The following AVEN variants were observed in gnomAD, a reference collection of about 807,000 sequenced individuals.
The protein encoded by AVEN is apoptosis and caspase activation inhibitor, also known as cell death regulator Aven.
A neutral mutation model predicts 38.1 loss-of-function variants in AVEN; 41 were observed. That is an observed-to-expected ratio of 1.08 (90% CI 0.84 to 1.40). AVEN has a LOEUF of 1.40. AVEN is among the 40% of genes most tolerant of loss of function. The probability of loss-of-function intolerance (pLI) is 0.00; values close to 1 mark genes in which losing one functional copy is unlikely to be tolerated. For synonymous variants in AVEN, 206 were observed against 171.8 expected (o/e 1.20, Z -1.56); for missense variants, 605 against 438.8 (o/e 1.38, Z -3.38).
At chr15:33,885,858 A>G (rs1025325183) in intron 2 of AVEN, 2 of 152,228 alleles carry the variant, frequency 1.3e-5, no homozygotes, top group Admixed American at 6.5e-5. Flanking sequence ...GTTGGTGACT[A>G]TTCTGTTAAC....
At chr15:34,052,434 C>G (rs1899957654) in intron 5 of AVEN, among the ~76,000 whole-genome samples, 1 of 152,178 alleles carries the variant, frequency 6.6e-6, no homozygotes, top group African/African-American at 2.4e-5. Context: ...TGAAAACCAG[C>G]ACAAGACAAG....
At chr15:33,954,233 A>C (rs1225431472) in intron 2 of AVEN, among the ~76,000 whole-genome samples, 1 of 152,256 alleles carries the variant, frequency 6.6e-6, no homozygotes, top group Non-Finnish European at 1.5e-5. Flanking sequence ...CCATTGCGGA[A>C]GACAGTGTGG....
chr15:33,873,094 CTTTTTTTTTT>C (rs34223352), intron 3 of AVEN, among the ~76,000 whole-genome samples: 11 of 85,106 alleles, frequency 1.3e-4, no homozygotes, highest in Non-Finnish European at 1.9e-4. Context: ...TTTTCCTTTT[CTTTTTTTTTT>C]TTTTTTTTTT....
At chr15:34,044,174 T>C (rs1007292164), upstream of AVEN, among the ~76,000 whole-genome samples, 3 of 152,284 alleles carry the variant, frequency 2.0e-5, no homozygotes, top group South Asian at 4.1e-4. Flanking sequence ...TATAGCAAAG[T>C]TCCTCAGAAG....
intron 5 of AVEN, chr15:34,062,510 G>A (rs1032073231): frequency 2.4e-5 from 12 of 494,222 alleles, no homozygotes; most frequent in Middle Eastern, 5.6e-4. Flanking sequence ...AGCTGAGATC[G>A]CACCACTGCA....
chr15:33,994,762 T>C (rs1264055853), intron 2 of AVEN, among the ~76,000 whole-genome samples: 1 of 152,202 alleles, frequency 6.6e-6, no homozygotes, highest in Non-Finnish European at 1.5e-5. Flanking sequence ...GAATATATGT[T>C]AAGCTATATT....
Position 33,898,509 on chromosome 15 carries a change from G to T in AVEN, c.446-22514C>A, listed in dbSNP as rs116753661. Among the ~76,000 whole-genome samples the T allele has an allele frequency of 7.1e-3, 1,075 of 152,242 alleles. 14 individuals carry two copies. The highest frequency in any genetic ancestry group is 0.025 in the African/African-American group (1,023 of 41,546). On this transcript the variant is annotated intron_variant, in intron 2 of 5. Transcript: ENST00000306730. ...GCATCTAGCCTTGCTAGCAACCCCT[G>T]ACATTCCAGTTTGTAGTTGCATCAC... is the stretch of plus-strand genomic sequence containing the variant.
In AVEN at chr15:33,899,460, CTTTTTTTTTTTTTTT is replaced by C. The variant is rs533788693; in HGVS notation, c.446-23480_446-23466del. On this transcript the variant is annotated intron_variant, in intron 2 of 5. Coordinates refer to ENST00000306730, the MANE Select transcript of AVEN (RefSeq NM_020371.3). ...TACATTTATTTGCTTCAGGGAAAAC[CTTTTTTTTTTTTTTT>C]TTTTTTTTTTTTGAGACGGAGTGTT... Among the ~76,000 whole-genome samples the C allele has an allele frequency of 1.7e-3, 108 of 65,436 alleles. 4 individuals are homozygous for C. Among genetic ancestry groups the C allele is most frequent in the Middle Eastern group, 0.017 (2 of 120 alleles). 42.9% of individuals were successfully genotyped at this position (65,436 alleles called of 152,430 possible). A position where few individuals can be genotyped will look rare whatever the true frequency, so the allele number is the denominator to read the frequency against.
intron 2 of AVEN, among the ~76,000 whole-genome samples, chr15:33,952,952 C>T (rs2140453796): frequency 6.6e-6 from 1 of 151,732 alleles, no homozygotes; most frequent in Admixed American, 6.6e-5. Flanking sequence ...TCTCAGGATA[C>T]AAAATCAGTG....
chr15:34,048,321 G>A (rs1184529731), intron 5 of AVEN, among the ~76,000 whole-genome samples: 5 of 152,004 alleles, frequency 3.3e-5, no homozygotes, highest in South Asian at 4.1e-4. Flanking sequence ...AGGGGCAGCC[G>A]CCATCTGTGT....
chr15:34,063,644 A>G lies in AVEN; in HGVS notation n.1127-212T>C, dbSNP rs369828092. On this transcript the variant is annotated intron_variant and non_coding_transcript_variant, in intron 4 of 11. Coordinates refer to the AVEN transcript ENST00000675287. The surrounding 1 kb of genome is among the most constrained non-coding windows in gnomAD (Gnocchi z 4.1). The stretch of plus-strand genomic sequence containing the variant: ...CCACCTGTAGCAGCTACCCTTCCTC[A>G]GAGGATGAGGACAAGCCCGCCACTG... The G allele has an allele frequency of 1.2e-6, 2 of 1,613,988 alleles. No individual in the cohort carries two copies. The highest frequency in any genetic ancestry group is 2.7e-5 in the African/African-American group (2 of 74,914).
intron 1 of AVEN, among the ~76,000 whole-genome samples, chr15:34,011,186 T>C (rs1597347153): frequency 6.6e-6 from 1 of 151,976 alleles, no homozygotes; most frequent in Middle Eastern, 3.4e-3. Flanking sequence ...AGCAAGACTC[T>C]GTCTCAAAAA....
chr15:33,911,062 T>C (rs111636959), intron 2 of AVEN, among the ~76,000 whole-genome samples: 34 of 152,332 alleles, frequency 2.2e-4, no homozygotes, highest in East Asian at 1.9e-4. Flanking sequence ...CTAAACTGCA[T>C]AGAAGCCAAC....
intron 1 of AVEN, chr15:34,018,169 G>T (rs1244890492): frequency 6.6e-6 from 1 of 152,214 alleles, no homozygotes; most frequent in African/African-American, 2.4e-5. Context: ...TCCAAAAGAA[G>T]GCATTGTTAC....
chr15:33,862,207 T>C (rs1888518424), downstream of AVEN, among the ~76,000 whole-genome samples: 1 of 151,734 alleles, frequency 6.6e-6, no homozygotes, highest in Non-Finnish European at 1.5e-5. Flanking sequence ...TTTTGTAGCT[T>C]AGAGAGTCCT....
chr15:33,950,110 G>A (rs959644723), intron 2 of AVEN, among the ~76,000 whole-genome samples: 1 of 152,182 alleles, frequency 6.6e-6, no homozygotes, highest in Non-Finnish European at 1.5e-5. Context: ...AATAAGCCAG[G>A]CACAGCAAGA....
intron 2 of AVEN, among the ~76,000 whole-genome samples, chr15:33,949,680 C>T (rs1055123284): frequency 5.9e-5 from 9 of 151,966 alleles, no homozygotes; most frequent in South Asian, 2.1e-4. Flanking sequence ...TCTGAATTTA[C>T]GAAGAAATCA....
Position 33,924,519 on chromosome 15 carries a change from G to A in AVEN, c.446-48524C>T, listed in dbSNP as rs114479067. 9.4e-3 allele frequency among the ~76,000 whole-genome samples: 1,426 copies of A among 152,170 alleles called. 15 individuals carry two copies. The highest frequency in any genetic ancestry group is 0.031 in the African/African-American group (1,287 of 41,510). On this transcript the variant is annotated intron_variant, in intron 2 of 5. Coordinates refer to ENST00000306730, the MANE Select transcript of AVEN (RefSeq NM_020371.3). The stretch of plus-strand genomic sequence containing the variant: ...GATTTTTTTGTAGAGACAGGGTTTT[G>A]CCATGTTGCCCAGACTGGTCTTCAA...
chr15:34,069,062 C>T (rs756321001), intron 2 of AVEN, among the ~76,000 whole-genome samples: 3 of 151,828 alleles, frequency 2.0e-5, no homozygotes, highest in South Asian at 2.1e-4. Context: ...CCACCCGCCT[C>T]GGCCTCCCAA....
Sources: allele counts gnomAD v4.1 joint callset (sites outside exome capture counted in the v4.1 genomes callset), GRCh38; gene constraint gnomAD v4.1.1; non-coding constraint Gnocchi (gnomAD v3.1); transcripts MANE v1.5; gene names NCBI Gene and HGNC (gene_info 2026-07-23, HGNC 2026-07-21).